Variants in RFX2 observed in about 807,000 individuals in gnomAD.
RFX2 encodes DNA-binding protein RFX2.
RFX2 carries 20 observed loss-of-function variants against 87.8 expected under a neutral mutation model. The ratio of observed to expected loss-of-function variants is 0.23; its 90% CI spans 0.16 to 0.33. The LOEUF is 0.33. Among genes scored for constraint, RFX2 ranks in the 10% least tolerant of loss-of-function variants. RFX2 has a pLI of 1.00. For synonymous variants in RFX2, 397 were observed against 431.3 expected (o/e 0.92, Z 0.98); for missense variants, 767 against 1,012.3 (o/e 0.76, Z 3.29).
At position 6,039,481 on chromosome 19, in the gene RFX2, G is replaced by A. The variant is rs577128922; in HGVS notation, c.522+499C>T. Among the ~76,000 whole-genome samples, 202 of 152,314 alleles carry A rather than the reference G, an allele frequency of 1.3e-3. No individual in the cohort carries two copies. The highest frequency in any genetic ancestry group is 4.7e-3 in the African/African-American group (195 of 41,554). On this transcript the variant is annotated intron_variant, in intron 5 of 17. Transcript: ENST00000303657. The surrounding 1 kb of genome is among the most constrained non-coding windows in gnomAD (Gnocchi z 5.2). ...AGGAAAATAAATGAAAAGTAAACAC[G>A]GGTAATCGAGTTTTAAATGTAGAGA...
At chr19:6,073,905 A>G (rs909886643) in intron 1 of RFX2, among the ~76,000 whole-genome samples, 10 of 152,170 alleles carry the variant, frequency 6.6e-5, no homozygotes, top group Admixed American at 3.9e-4. Context: ...GAGAGGGTGA[A>G]TGCACCAATA....
Position 5,993,859 on chromosome 19 carries a change from G to T in RFX2, c.*976C>A, listed in dbSNP as rs2086367424. 6.6e-6 allele frequency: 1 copy of T among 152,242 alleles called. No individual in the cohort carries two copies. Among genetic ancestry groups the T allele is most frequent in the Non-Finnish European group, 1.5e-5 (1 of 68,062 alleles). 9.4% of individuals were successfully genotyped at this position (152,242 alleles called of 1,614,324 possible). ...GGGGTGCTCCGGGATTAGTTCAGAG[G>T]GAGGTGTTCTGGAAGACTCCGTGGA... On this transcript the variant is annotated 3_prime_UTR_variant, in exon 18 of 18. Transcript: ENST00000303657.
chr19:6,028,926 A>C (rs2086922017), intron 5 of RFX2, among the ~76,000 whole-genome samples: 1 of 151,996 alleles, frequency 6.6e-6, no homozygotes, highest in South Asian at 2.1e-4. Context: ...AATACCAAAA[A>C]AAATTAGGTG....
chr19:6,083,579 T>C lies in RFX2; in HGVS notation c.-9+26814A>G, dbSNP rs1204621694. 6.6e-6 allele frequency among the ~76,000 whole-genome samples: 1 copy of C among 151,824 alleles called. No individual in the cohort carries two copies. Among genetic ancestry groups the C allele is most frequent in the Non-Finnish European group, 1.5e-5 (1 of 67,986 alleles). ...TTTTTTTTTAATTTTTATTCATTTA[T>C]TTATTTATTCTGAGGCCGGGTCTTG... On this transcript the variant is annotated intron_variant, in intron 1 of 17. Coordinates refer to ENST00000303657, the MANE Select transcript of RFX2 (RefSeq NM_000635.4). This position sits in a 1 kb window ranked among gnomAD's most constrained non-coding sequence, Gnocchi z 4.6.
rs939090001 is a variant in RFX2 at position 6,010,083 on chromosome 19, G to C, written c.1015+53C>G. 1 of 1,140,920 alleles carries C rather than the reference G, an allele frequency of 8.8e-7. No individual in the cohort carries two copies. The highest frequency in any genetic ancestry group is 2.6e-5 in the East Asian group (1 of 38,426). The allele number at this position is 1,140,920 out of a possible 1,614,324, so 70.7% of individuals were successfully genotyped here. On this transcript the variant is annotated intron_variant, in intron 9 of 17. Transcript: ENST00000303657. The surrounding 1 kb of genome is among the most constrained non-coding windows in gnomAD (Gnocchi z 5.0). ...TGGTTCTGCTGGTGTTGAAACCCAG[G>C]AGTGTGGCGAGCAGATGGGAGCCCC... is the stretch of plus-strand genomic sequence containing the variant.
At chr19:6,018,500 G>A (rs1037148786) in intron 6 of RFX2, among the ~76,000 whole-genome samples, 5 of 152,260 alleles carry the variant, frequency 3.3e-5, no homozygotes, top group African/African-American at 1.2e-4. Flanking sequence ...AGGTGAAGGG[G>A]TGTGTGGGGC....
chr19:6,040,166 T>C lies in RFX2; in HGVS notation c.336A>G (p.Pro112=). 1.2e-6 allele frequency: 2 copies of C among 1,600,378 alleles called. No homozygotes were observed. The highest frequency in any genetic ancestry group is 2.2e-5 in the South Asian group (2 of 90,746). ...PSSTASYFEA[P]GGAQVTVAAS... is the part of the protein sequence containing the mutation. ...CTGCCACGGTCACCTGGGCACCGCC[T>C]GGGGCCTCGAAGTAAGAAGCCGTGC... is the stretch of plus-strand genomic sequence containing the variant. The change falls in exon 5 of 18, where the codon CCA becomes CCG. Residue 112 remains proline (P), a synonymous_variant. Coordinates refer to ENST00000303657, the MANE Select transcript of RFX2 (RefSeq NM_000635.4). The surrounding 1 kb of genome is among the most constrained non-coding windows in gnomAD (Gnocchi z 6.1).
intron 1 of RFX2, among the ~76,000 whole-genome samples, chr19:6,104,200 T>G (rs1468316772): frequency 6.6e-6 from 1 of 152,082 alleles, no homozygotes; most frequent in Non-Finnish European, 1.5e-5. Flanking sequence ...TCATCCAGAT[T>G]CATCCAATTT....
chr19:6,105,886 A>G (rs933674336), intron 1 of RFX2, among the ~76,000 whole-genome samples: 5 of 152,086 alleles, frequency 3.3e-5, no homozygotes, highest in Non-Finnish European at 5.9e-5. Flanking sequence ...GGGGACTATG[A>G]CAGGCTCAGC....
Position 6,010,098 on chromosome 19 carries a change from A to T in RFX2, c.1015+38T>A, listed in dbSNP as rs2086640524. ...TGAAACCCAGGAGTGTGGCGAGCAG[A>T]TGGGAGCCCCGCCCCCGGGCCTGAC... is the stretch of plus-strand genomic sequence containing the variant. On this transcript the variant is annotated intron_variant, in intron 9 of 17. Coordinates refer to ENST00000303657, the MANE Select transcript of RFX2 (RefSeq NM_000635.4). The surrounding 1 kb of genome is among the most constrained non-coding windows in gnomAD (Gnocchi z 5.0). 2 of 1,342,416 alleles carry T rather than the reference A, an allele frequency of 1.5e-6. No homozygotes were observed. Among genetic ancestry groups the T allele is most frequent in the African/African-American group, 1.4e-5 (1 of 69,040 alleles). The allele number at this position is 1,342,416 out of a possible 1,614,324, so 83.2% of individuals were successfully genotyped here.
intron 1 of RFX2, among the ~76,000 whole-genome samples, chr19:6,075,682 C>T (rs913989145): frequency 3.3e-5 from 5 of 152,084 alleles, no homozygotes; most frequent in Admixed American, 3.3e-4. Flanking sequence ...AGTGTGAGGT[C>T]GAATCAGGCA....
chr19:5,995,022 C>A, intron 17 of RFX2, 72 bp from the exon 18 acceptor site: 1 of 1,211,586 alleles, frequency 8.3e-7, no homozygotes, highest in South Asian at 1.2e-5. Context: ...AGTGCACGTT[C>A]CGAGAACTGC....
At chr19:6,097,143 T>C (rs2088041923) in intron 1 of RFX2, among the ~76,000 whole-genome samples, 1 of 152,092 alleles carries the variant, frequency 6.6e-6, no homozygotes, top group Non-Finnish European at 1.5e-5. Flanking sequence ...GGGGAGAGGA[T>C]GAGATGACCC....
chr19:6,088,241 C>T (rs955597491), intron 1 of RFX2, among the ~76,000 whole-genome samples: 9 of 96,056 alleles, frequency 9.4e-5, no homozygotes, highest in African/African-American at 2.7e-4. Context: ...TTTTTTGAGA[C>T]GGAGTTTCAC....
intron 6 of RFX2, among the ~76,000 whole-genome samples, chr19:6,019,100 G>A (rs776841255): frequency 6.6e-6 from 1 of 152,024 alleles, no homozygotes; most frequent in African/African-American, 2.4e-5. Flanking sequence ...AGTTGCCATC[G>A]TTAGCAGGTG....
At chr19:5,996,422 A>C (rs917130099) in intron 16 of RFX2, among the ~76,000 whole-genome samples, 1 of 135,236 alleles carries the variant, frequency 7.4e-6, no homozygotes, top group Admixed American at 7.5e-5. Flanking sequence ...CGCAGCGCGG[A>C]TGTCATGTTC....
chr19:5,995,364 C>G (rs1196554952), intron 17 of RFX2, among the ~76,000 whole-genome samples: 1 of 152,164 alleles, frequency 6.6e-6, no homozygotes, highest in Non-Finnish European at 1.5e-5. Context: ...GTGCTGAGGT[C>G]CCTGGGCAGC....
intron 1 of RFX2, chr19:6,072,861 CA>C: frequency 2.3e-6 from 3 of 1,313,572 alleles, no homozygotes; most frequent in Non-Finnish European, 3.2e-6. Context: ...CCAAGATCGT[CA>C]AAAAGAGAAC....
rs75993100 is a variant in RFX2, at chr19:6,034,948, A to G, written c.522+5032T>C. Among the ~76,000 whole-genome samples the G allele has an allele frequency of 2.8e-3, 425 of 152,314 alleles. 1 individual carries two copies. The highest frequency in any genetic ancestry group is 5.4e-3 in the Admixed American group (82 of 15,308). On this transcript the variant is annotated intron_variant, in intron 5 of 17. Transcript: ENST00000303657. Reference sequence around the variant, plus strand: ...ATCATAAGACACCCTTCTTGGGCAAAAAGAAAGCTGTCAAAGGCAGAATAT... The same window carrying G: ...ATCATAAGACACCCTTCTTGGGCAAGAAGAAAGCTGTCAAAGGCAGAATAT...
Sources: allele counts gnomAD v4.1 joint callset (sites outside exome capture counted in the v4.1 genomes callset), GRCh38; gene constraint gnomAD v4.1.1; non-coding constraint Gnocchi (gnomAD v3.1); transcripts MANE v1.5; gene names NCBI Gene and HGNC (gene_info 2026-07-23, HGNC 2026-07-21).